Variants in KRT6B observed in about 807,000 individuals in gnomAD.
KRT6B encodes the protein keratin 6B.
A neutral mutation model predicts 44.7 loss-of-function variants in KRT6B; 29 were observed. The ratio of observed to expected loss-of-function variants is 0.65; its 90% CI spans 0.48 to 0.88. The LOEUF (loss-of-function observed/expected upper bound fraction) is 0.88, where lower values mean the gene tolerates loss of function less well. Among genes scored for constraint, KRT6B ranks in the 40% least tolerant of loss-of-function variants. The pLI, the probability that KRT6B is intolerant of heterozygous loss-of-function variation, is 0.00. For missense variants in KRT6B, 600 were observed against 724.0 expected (o/e 0.83, Z 1.97); for synonymous variants, 213 against 296.0 (o/e 0.72, Z 2.88).
chr12:52,447,500 G>C (rs1219302876), intron 8 of KRT6B, 39 bp downstream of exon 8: 1 of 1,614,034 alleles, frequency 6.2e-7, no homozygotes, highest in Admixed American at 1.7e-5. Context: ...AGTCAGGAGA[G>C]TGCAAGGGCA....
rs546022490 is a variant in KRT6B, at chr12:52,451,871, T to G, written c.208A>C (p.Ile70Leu). ...GCACAGCTGCCCCCTCCAATGGAGA[T>G]CCTCTTGGAGCCCCCCAGGCCATAC... ...SLYGLGGSKR[I>L]SIGGGSCAIS... is the part of the protein sequence containing the mutation. Residue 70 changes from isoleucine (I) to leucine (L), a missense_variant, in exon 1 of 9, where the codon ATC (isoleucine) becomes CTC (leucine). Transcript: ENST00000252252. The G allele has an allele frequency of 1.7e-5, 27 of 1,612,154 alleles. No individual in the cohort carries two copies. The South Asian group carries it at 3.0e-4, about 18-fold the overall frequency.
chr12:52,450,467 G>C lies in KRT6B; in HGVS notation c.694C>G (p.Arg232Gly), dbSNP rs772003182. 1.9e-6 allele frequency: 3 copies of C among 1,614,136 alleles called. No individual in the cohort carries two copies. The Admixed American group carries it at 5.0e-5, about 27-fold the overall frequency. Residue 232 changes from arginine (R) to glycine (G), a missense_variant, in exon 2 of 9, where the codon CGG becomes GGG. Transcript: ENST00000252252. ...RRQLDNIVGE[R>G]GRLDSELRNM... ...CTCAGCTCCGAGTCCAGACGACCCC[G>C]TTCCCCCACGATGTTGTCCAGCTGC...
chr12:52,447,240 T>C lies in KRT6B; in HGVS notation c.1645A>G (p.Ile549Val), dbSNP rs751594384. 7.4e-6 allele frequency: 12 copies of C among 1,613,910 alleles called. No homozygotes were observed. The highest frequency in any genetic ancestry group is 2.2e-5 in the East Asian group (1 of 44,892). ...GAGGAGGAGGTGGTGGTGTACTTGA[T>C]GGTGGAACTGCCGCCTCCAACAGAG... ...LSSVGGGSST[I>V]KYTTTSSSSR... is the part of the protein sequence containing the mutation. Residue 549 changes from isoleucine (I) to valine (V), a missense_variant, in exon 9 of 9, where the codon ATC becomes GTC. Transcript: ENST00000252252.
At chr12:52,450,898 A>G (rs1012100080) in intron 1 of KRT6B, among the ~76,000 whole-genome samples, 1 of 152,264 alleles carries the variant, frequency 6.6e-6, no homozygotes, top group African/African-American at 2.4e-5. Flanking sequence ...TTCCAAGCAC[A>G]ATCACAAATC....
intron 1 of KRT6B, 21 bp from the exon 2 acceptor site, chr12:52,450,641 T>G (rs1357521785): frequency 1.2e-6 from 2 of 1,613,906 alleles, no homozygotes. Context: ...AGCAAAATGG[T>G]CATTTTCCAG....
intron 2 of KRT6B, 62 bp downstream of exon 2, chr12:52,450,344 C>G (rs1334853569): frequency 1.9e-6 from 3 of 1,576,276 alleles, no homozygotes; most frequent in Non-Finnish European, 1.7e-6. Flanking sequence ...GAATCCTACA[C>G]ACATCTGGCC....
chr12:52,449,154 G>A (rs1314082155), intron 5 of KRT6B, among the ~76,000 whole-genome samples, 187 bp from the exon 6 acceptor site: 1 of 152,118 alleles, frequency 6.6e-6, no homozygotes, highest in African/African-American at 2.4e-5. Flanking sequence ...TCCTTATTAT[G>A]GCACCACTGC....
chr12:52,451,584 C>T lies in KRT6B; in HGVS notation c.495G>A (p.Glu165=), dbSNP rs199847801. The change falls in exon 1 of 9, where the codon GAG becomes GAA. Residue 165 remains glutamate, a synonymous_variant. Coordinates refer to ENST00000252252, the MANE Select transcript of KRT6B (RefSeq NM_005555.4). ...AIQRVRAEER[E]QIKTLNNKFA... ...ACTTGTTGTTGAGGGTCTTGATCTG[C>T]TCACGCTCCTCGGCCCGCACCCGCT... is the stretch of plus-strand genomic sequence containing the variant. 17 of 1,612,828 alleles carry T rather than the reference C, an allele frequency of 1.1e-5. No individual in the cohort carries two copies. The highest frequency in any genetic ancestry group is 2.7e-5 in the African/African-American group (2 of 73,932).
Position 52,452,044 on chromosome 12 carries a change from C to T in KRT6B, c.35G>A (p.Ser12Asn). The change falls in exon 1 of 9, where the codon AGC becomes AAC. Residue 12 changes from serine (S) to asparagine (N), a missense_variant. This residue lies in a region of KRT6B where 78 missense variants were observed against 97.5 expected (regional missense o/e 0.80). Coordinates refer to ENST00000252252, the MANE Select transcript of KRT6B (RefSeq NM_005555.4). The stretch of plus-strand genomic sequence containing the variant: ...GGCACTGAAACCCCGGCGGCTGCTG[C>T]TGTGGCTCCTGATGGTGGTGGATGT... ...ASTSTTIRSH[S>N]SSRRGFSANS... The T allele has an allele frequency of 6.2e-7, 1 of 1,614,098 alleles. No homozygotes were observed. Among genetic ancestry groups the T allele is most frequent in the Non-Finnish European group, 8.5e-7 (1 of 1,180,012 alleles).
Position 52,451,658 on chromosome 12 carries a change from T to A in KRT6B, c.421A>T (p.Asn141Tyr), listed in dbSNP as rs767841535. 1.2e-6 allele frequency: 2 copies of A among 1,612,552 alleles called. No homozygotes were observed. The highest frequency in any genetic ancestry group is 2.7e-5 in the African/African-American group (2 of 73,574). Residue 141 changes from asparagine to tyrosine, a missense_variant, in exon 1 of 9, where the codon AAC (asparagine) becomes TAC (tyrosine). Physicochemically the swap from Asn to Tyr is moderately radical, Grantham distance 143. Around this residue, in one of 4 missense-constraint regions of KRT6B, gnomAD observed 12 missense variants for 93.3 expected, o/e 0.13. Transcript: ENST00000252252. ...PPGGIQEVTV[N>Y]QSLLTPLNLQ... The stretch of plus-strand genomic sequence containing the variant: ...TTGAGGGGAGTCAGGAGACTCTGGT[T>A]GACAGTGACCTCTTGGATGCCTCCA...
At chr12:52,451,074 T>C (rs1379580763) in intron 1 of KRT6B, among the ~76,000 whole-genome samples, 3 of 152,068 alleles carry the variant, frequency 2.0e-5, no homozygotes, top group Admixed American at 6.5e-5. Flanking sequence ...TCTCTGTTTT[T>C]AAAATTAATT....
At position 52,448,945 on chromosome 12, in the gene KRT6B, G is replaced by A. The variant is rs773938726; in HGVS notation, c.1100C>T (p.Ala367Val). ...GCGCAGGTCGTCCCCATGTCTGCCT[G>A]CTGTGATCTGCAGCTCCTCGTACTG... is the stretch of plus-strand genomic sequence containing the variant. The part of the protein sequence containing the change: ...QTKYEELQIT[A>V]GRHGDDLRNT... Residue 367 changes from alanine (A) to valine (V), a missense_variant, in exon 6 of 9, where the codon GCA becomes GTA. Physicochemically the swap from Ala to Val is moderately conservative, Grantham distance 64 (BLOSUM62 0). Coordinates refer to ENST00000252252, the MANE Select transcript of KRT6B (RefSeq NM_005555.4). 2.5e-6 allele frequency: 4 copies of A among 1,613,338 alleles called. No individual in the cohort carries two copies. The African/African-American group carries it at 5.3e-5, about 22-fold the overall frequency.
At chr12:52,449,077 C>T (rs868617860) in intron 5 of KRT6B, 110 bp from the exon 6 acceptor site, 68 of 1,523,962 alleles carry the variant, frequency 4.5e-5, no homozygotes, top group Middle Eastern at 2.1e-4. Context: ...TGGCTTCTCC[C>T]CAAGAAACTT....
intron 1 of KRT6B, among the ~76,000 whole-genome samples, 189 bp from the exon 2 acceptor site, chr12:52,450,809 T>TTG (rs1940391851): frequency 1.3e-5 from 2 of 152,244 alleles, no homozygotes; most frequent in Non-Finnish European, 2.9e-5. Context: ...ACTAGAGAAA[T>TTG]TGTCCCACGG....
chr12:52,451,477 G>T, intron 1 of KRT6B, 62 bp downstream of exon 1: 1 of 1,613,200 alleles, frequency 6.2e-7, no homozygotes, highest in Non-Finnish European at 8.5e-7. Flanking sequence ...CCGGCAGGAA[G>T]GTGTTGCTCT....
In KRT6B at chr12:52,452,106, G is replaced by A; in HGVS notation, c.-28C>T. 8 of 1,614,188 alleles carry A rather than the reference G, an allele frequency of 5.0e-6. No homozygotes were observed. The highest frequency in any genetic ancestry group is 2.2e-5 in the East Asian group (1 of 44,888). ...TTCCAGGAGATGAGAGGGCTTAGGAGAGTGTGAGAGGCTGGAGGCGAGAGG... is the reference window on the plus strand; with the variant it reads ...TTCCAGGAGATGAGAGGGCTTAGGAAAGTGTGAGAGGCTGGAGGCGAGAGG... On this transcript the variant is annotated 5_prime_UTR_variant, in exon 1 of 9. Coordinates refer to ENST00000252252, the MANE Select transcript of KRT6B (RefSeq NM_005555.4).
At chr12:52,447,733 T>G in intron 7 of KRT6B, 45 bp downstream of exon 7, 15 of 1,614,144 alleles carry the variant, frequency 9.3e-6, no homozygotes, top group Non-Finnish European at 1.3e-5. Context: ...GCCAGAACCT[T>G]GAAGATGGAC....
At position 52,450,518 on chromosome 12, in the gene KRT6B, C is replaced by T. The variant is rs201956073; in HGVS notation, c.643G>A (p.Glu215Lys). The part of the protein sequence containing the change: ...TVRQNLEPLF[E>K]QYINNLRRQL... ...CTCCTGAGGTTGTTGATGTACTGCTCGAACAACGGCTCCAGGTTCTGCCTC... is the reference window on the plus strand; with the variant it reads ...CTCCTGAGGTTGTTGATGTACTGCTTGAACAACGGCTCCAGGTTCTGCCTC... The change falls in exon 2 of 9, where the codon GAG (glutamate) becomes AAG (lysine). Residue 215 changes from glutamate to lysine, a missense_variant. Around this residue, in one of 4 missense-constraint regions of KRT6B, gnomAD observed 479 missense variants for 454.2 expected, o/e 1.05. Transcript: ENST00000252252. 3.1e-4 allele frequency: 501 copies of T among 1,614,156 alleles called. No individual in the cohort carries two copies. The highest frequency in any genetic ancestry group is 4.0e-4 in the Non-Finnish European group (467 of 1,179,984).
chr12:52,448,335 A>G (rs540328206), intron 6 of KRT6B, among the ~76,000 whole-genome samples: 6 of 152,202 alleles, frequency 3.9e-5, no homozygotes, highest in Admixed American at 3.3e-4. Context: ...GGATGCCACA[A>G]TAATTTGCAA....
Sources: allele counts gnomAD v4.1 joint callset (sites outside exome capture counted in the v4.1 genomes callset), GRCh38; gene constraint gnomAD v4.1.1; regional missense constraint gnomAD v4.1.1; transcripts MANE v1.5; gene names NCBI Gene and HGNC (gene_info 2026-07-23, HGNC 2026-07-21).